Variants in DPP6 observed in about 807,000 individuals in gnomAD.
DPP6 encodes dipeptidyl peptidase like 6.
A neutral mutation model predicts 122.6 loss-of-function variants in DPP6; 69 were observed. The observed-to-expected ratio is 0.56, with a 90% CI of 0.46 to 0.69. The LOEUF (loss-of-function observed/expected upper bound fraction) is 0.69. DPP6 is among the 30% of genes least tolerant of loss of function. The pLI is 0.00. For missense variants in DPP6, 928 were observed against 1,116.9 expected (o/e 0.83, Z 2.41); for synonymous variants, 418 against 433.1 (o/e 0.97, Z 0.43).
At chr7:154,333,417 C>T (rs1000369075) in intron 1 of DPP6, among the ~76,000 whole-genome samples, 5 of 152,090 alleles carry the variant, frequency 3.3e-5, no homozygotes, top group South Asian at 2.1e-4. Context: ...GACAGTTACT[C>T]GTCTGTAATT....
At chr7:153,830,031 T>A in the DPP6 span, among the ~76,000 whole-genome samples, 1 of 152,228 alleles carries the variant, frequency 6.6e-6, no homozygotes. Context: ...ATTTTGAAAC[T>A]TGTGCTCCAT....
intron 5 of DPP6, among the ~76,000 whole-genome samples, chr7:154,616,555 A>G (rs1396139123): frequency 6.6e-6 from 1 of 152,210 alleles, no homozygotes; most frequent in Non-Finnish European, 1.5e-5. Context: ...GACCATAGGC[A>G]TAGAGAAAAC....
intron 1 of DPP6, among the ~76,000 whole-genome samples, chr7:154,259,356 G>A (rs190216361): frequency 6.6e-6 from 1 of 152,308 alleles, no homozygotes; most frequent in Non-Finnish European, 1.5e-5. Context: ...GTCTCCTTCA[G>A]AATAAAATAT....
At chr7:154,155,008 G>A (rs1238590698) in intron 1 of DPP6, among the ~76,000 whole-genome samples, 1 of 152,088 alleles carries the variant, frequency 6.6e-6, no homozygotes, top group Non-Finnish European at 1.5e-5. Flanking sequence ...CTGGGCTGTG[G>A]GCACAGTGTC....
At chr7:153,932,154 T>G (rs1801200081) in intron 1 of DPP6, among the ~76,000 whole-genome samples, 1 of 148,036 alleles carries the variant, frequency 6.8e-6, no homozygotes, top group Non-Finnish European at 1.5e-5. Context: ...AGAATCTCAT[T>G]CTGTCACCCA....
At chr7:153,916,269 G>A (rs142623446) in intron 1 of DPP6, among the ~76,000 whole-genome samples, 8,796 of 151,680 alleles carry the variant, frequency 0.058, 280 homozygotes, top group Non-Finnish European at 0.065. Context: ...CACTGTGCCC[G>A]GCCCTCTGAT....
intron 16 of DPP6, among the ~76,000 whole-genome samples, chr7:154,831,268 A>G (rs1486477029): frequency 1.3e-5 from 2 of 152,242 alleles, no homozygotes; most frequent in African/African-American, 4.8e-5. Context: ...CAGATGCATG[A>G]GGCTCGGAGT....
chr7:154,021,097 C>A (rs1798676367), intron 1 of DPP6, among the ~76,000 whole-genome samples: 1 of 152,118 alleles, frequency 6.6e-6, no homozygotes, highest in Admixed American at 6.5e-5. Flanking sequence ...GTGTAACACC[C>A]ACATGCAGAG....
At chr7:154,185,212 G>A (rs1457517540) in intron 1 of DPP6, among the ~76,000 whole-genome samples, 1 of 152,138 alleles carries the variant, frequency 6.6e-6, no homozygotes, top group Non-Finnish European at 1.5e-5. Flanking sequence ...ACATAATCCT[G>A]TGTAATGAGA....
At chr7:154,596,163 T>G (rs1286981108) in intron 5 of DPP6, among the ~76,000 whole-genome samples, 1 of 152,240 alleles carries the variant, frequency 6.6e-6, no homozygotes, top group African/African-American at 2.4e-5. Context: ...TTTAGAACAG[T>G]GCAGTACTTA....
chr7:154,047,627 C>T (rs1176010795), upstream of DPP6, among the ~76,000 whole-genome samples: 3 of 151,352 alleles, frequency 2.0e-5, no homozygotes, highest in Non-Finnish European at 4.4e-5. Flanking sequence ...GACAGGAGTT[C>T]GTGCCTCCTC....
At chr7:153,767,143 G>A in the DPP6 span, among the ~76,000 whole-genome samples, 259 of 152,284 alleles carry the variant, frequency 1.7e-3, 1 homozygote, top group African/African-American at 6.1e-3. Flanking sequence ...GGTGTGTGAA[G>A]CCCAGAAATT....
chr7:153,931,761 C>A (rs1207595242), intron 1 of DPP6, among the ~76,000 whole-genome samples: 1 of 152,282 alleles, frequency 6.6e-6, no homozygotes, highest in East Asian at 1.9e-4. Flanking sequence ...TGGCTGGTAG[C>A]CTAAGCATTG....
At chr7:154,379,108 T>C (rs746120009) in intron 1 of DPP6, among the ~76,000 whole-genome samples, 4 of 152,122 alleles carry the variant, frequency 2.6e-5, no homozygotes, top group Non-Finnish European at 4.4e-5. Context: ...ACATATGAAT[T>C]TTGTTGGGGG....
Position 154,318,904 on chromosome 7 carries a change from A to G in DPP6, c.244-127310A>G, listed in dbSNP as rs115968879. Among the ~76,000 whole-genome samples, 632 of 152,300 alleles carry G rather than the reference A, an allele frequency of 4.1e-3. 4 individuals are homozygous for G. The highest frequency in any genetic ancestry group is 0.014 in the African/African-American group (600 of 41,570). ...GCTGTCTGGTAGCTTCTGTGTTGGC[A>G]GTGAGGATCATTGATGTGGGTGATG... On this transcript the variant is annotated intron_variant, in intron 1 of 25. Transcript: ENST00000377770.
the DPP6 span, among the ~76,000 whole-genome samples, chr7:153,852,249 C>G: frequency 6.6e-6 from 1 of 152,084 alleles, no homozygotes; most frequent in East Asian, 1.9e-4. Flanking sequence ...TTGCGTTGCT[C>G]TAAAGAAACA....
the DPP6 span, among the ~76,000 whole-genome samples, chr7:153,757,017 A>G: frequency 6.6e-6 from 1 of 152,142 alleles, no homozygotes; most frequent in Non-Finnish European, 1.5e-5. Flanking sequence ...TATTTCAATT[A>G]TCTTACACCT....
At chr7:154,626,229 T>C (rs188693971) in intron 5 of DPP6, among the ~76,000 whole-genome samples, 3 of 152,350 alleles carry the variant, frequency 2.0e-5, no homozygotes, top group African/African-American at 7.2e-5. Context: ...GGAGCAGCTA[T>C]TGGAATTGAA....
At chr7:154,521,669 C>G (rs1438875710) in intron 3 of DPP6, among the ~76,000 whole-genome samples, 1 of 152,168 alleles carries the variant, frequency 6.6e-6, no homozygotes, top group African/African-American at 2.4e-5. Flanking sequence ...AAATAATTTC[C>G]AAGCTGTGAT....
Sources: allele counts gnomAD v4.1 joint callset (sites outside exome capture counted in the v4.1 genomes callset), GRCh38; gene constraint gnomAD v4.1.1; transcripts MANE v1.5; gene names NCBI Gene and HGNC (gene_info 2026-07-23, HGNC 2026-07-21).